Variants in MAP7 observed in about 807,000 individuals in gnomAD.
The protein encoded by MAP7 is microtubule associated protein 7, also known as ensconsin.
Under a neutral mutation model 94.8 loss-of-function variants are expected in MAP7, and 52 were observed. The observed-to-expected ratio is 0.55, with a 90% CI of 0.44 to 0.69. The LOEUF (loss-of-function observed/expected upper bound fraction) is 0.69, where lower values mean the gene tolerates loss of function less well. Among genes scored for constraint, MAP7 ranks in the 30% least tolerant of loss-of-function variants. The pLI is 0.00. For missense variants in MAP7, 940 were observed against 964.6 expected (o/e 0.97, Z 0.34); for synonymous variants, 350 against 357.0 (o/e 0.98, Z 0.22).
intron 15 of MAP7, 93 bp from the exon 16 acceptor site, chr6:136,356,887 G>A: frequency 1.0e-6 from 1 of 968,212 alleles, no homozygotes; most frequent in Non-Finnish European, 1.6e-6. Context: ...TTTATGTGCT[G>A]GTTCTGCTAC....
chr6:136,349,339 TA>T (rs1475807013), intron 16 of MAP7, among the ~76,000 whole-genome samples: 1 of 152,206 alleles, frequency 6.6e-6, no homozygotes, highest in African/African-American at 2.4e-5. Flanking sequence ...TATTCATTTA[TA>T]AAATTTTATA....
At chr6:136,451,645 T>A (rs1489040266) in intron 1 of MAP7, among the ~76,000 whole-genome samples, 3 of 152,212 alleles carry the variant, frequency 2.0e-5, no homozygotes, top group Non-Finnish European at 2.9e-5. Context: ...ATTCCCCTGA[T>A]GGAGCCGAGC....
At chr6:136,522,996 T>C (rs557654535) in intron 1 of MAP7, among the ~76,000 whole-genome samples, 3 of 152,084 alleles carry the variant, frequency 2.0e-5, no homozygotes, top group South Asian at 4.1e-4. Flanking sequence ...GATCATGCCA[T>C]TGGACTCCAG....
rs965467323 is a variant in MAP7, at chr6:136,386,728, A to C, written c.526+1665T>G. 3.3e-5 allele frequency among the ~76,000 whole-genome samples: 5 copies of C among 152,232 alleles called. No homozygotes were observed. In the South Asian group the frequency reaches 1.0e-3, roughly 32 times the overall value. ...CTGCTGGGTCATGAACAACCAAGAA[A>C]ACAGAAGTGCTTTCATATTTGGTTC... On this transcript the variant is annotated intron_variant, in intron 5 of 17. Coordinates refer to ENST00000354570, the MANE Select transcript of MAP7 (RefSeq NM_003980.6).
rs77108073 is a variant in MAP7 at position 136,522,253 on chromosome 6, C to T, written c.67+28089G>A. 6.8e-3 allele frequency among the ~76,000 whole-genome samples: 1,030 copies of T among 152,190 alleles called. 13 individuals carry two copies. Among genetic ancestry groups the T allele is most frequent in the African/African-American group, 0.024 (981 of 41,506 alleles). The stretch of plus-strand genomic sequence containing the variant: ...TAAGAGCATCAGCATAAGCCCAGCT[C>T]GCTCCCAGTGATTATTTAATTACTG... On this transcript the variant is annotated intron_variant, in intron 1 of 17. Transcript: ENST00000354570.
intron 3 of MAP7, among the ~76,000 whole-genome samples, chr6:136,400,520 C>T (rs1783786116): frequency 6.7e-6 from 1 of 150,144 alleles, no homozygotes; most frequent in African/African-American, 2.4e-5. Flanking sequence ...AAAACAAAAA[C>T]ACCTAGCTAT....
chr6:136,468,776 C>T (rs1026565900), intron 1 of MAP7, among the ~76,000 whole-genome samples: 5 of 152,138 alleles, frequency 3.3e-5, no homozygotes, highest in African/African-American at 7.2e-5. Flanking sequence ...ACTCTTAAGT[C>T]GGGACCTGGC....
intron 1 of MAP7, among the ~76,000 whole-genome samples, chr6:136,449,805 C>A (rs989680968): frequency 9.9e-5 from 15 of 152,246 alleles, no homozygotes; most frequent in African/African-American, 3.6e-4. Flanking sequence ...CTTACATGAG[C>A]AACTGGGATA....
At chr6:136,536,412 A>G (rs1828893346) in intron 1 of MAP7, among the ~76,000 whole-genome samples, 1 of 152,280 alleles carries the variant, frequency 6.6e-6, no homozygotes, top group East Asian at 1.9e-4. Context: ...TTTCATATCC[A>G]TGACCTAAAC....
In MAP7 at chr6:136,375,044, C is replaced by A. The variant is rs561774062; in HGVS notation, c.752-2419G>T. On this transcript the variant is annotated intron_variant, in intron 7 of 17. Coordinates refer to ENST00000354570, the MANE Select transcript of MAP7 (RefSeq NM_003980.6). ...CACAATATATGTATTTGATCCTACT[C>A]TTGGTGGTAAGTATGCATTAATTGA... Among the ~76,000 whole-genome samples the A allele has an allele frequency of 4.6e-5, 7 of 152,174 alleles. No individual in the cohort carries two copies. In the South Asian group the frequency reaches 1.5e-3, roughly 32 times the overall value.
At chr6:136,525,233 G>C (rs142178063) in intron 1 of MAP7, among the ~76,000 whole-genome samples, 2 of 152,282 alleles carry the variant, frequency 1.3e-5, no homozygotes, top group Non-Finnish European at 2.9e-5. Context: ...CACGAATTCA[G>C]TTATCATCAA....
chr6:136,528,177 T>C (rs1828161927), intron 1 of MAP7, among the ~76,000 whole-genome samples: 2 of 152,226 alleles, frequency 1.3e-5, no homozygotes, highest in South Asian at 4.1e-4. Flanking sequence ...CTTCTCCCGA[T>C]GACAAATGTT....
intron 1 of MAP7, among the ~76,000 whole-genome samples, chr6:136,543,813 T>C (rs553978763): frequency 2.0e-5 from 3 of 152,222 alleles, no homozygotes; most frequent in East Asian, 1.9e-4. Context: ...GGAATTTAGG[T>C]TGGAGGCAGA....
intron 16 of MAP7, among the ~76,000 whole-genome samples, chr6:136,355,795 A>G (rs1381630479): frequency 1.3e-5 from 2 of 152,244 alleles, no homozygotes; most frequent in African/African-American, 2.4e-5. Flanking sequence ...TTTGAACATT[A>G]TTAAAAATAT....
chr6:136,345,035 A>T (rs1787296953), intron 17 of MAP7, among the ~76,000 whole-genome samples: 1 of 152,262 alleles, frequency 6.6e-6, no homozygotes, highest in Non-Finnish European at 1.5e-5. Context: ...TCTTCAGGGA[A>T]GAGAAGTCAA....
chr6:136,343,088 TA>T lies in MAP7; in HGVS notation c.*1139del, dbSNP rs1311604368. ...TCTACATTTAATCATTAGTAGTCTC[TA>T]AAATGGTAAAATAAAACTGAATTTA... On this transcript the variant is annotated 3_prime_UTR_variant, in exon 18 of 18. Transcript: ENST00000354570. The T allele has an allele frequency of 4.6e-5, 7 of 152,646 alleles. No homozygotes were observed. Among genetic ancestry groups the T allele is most frequent in the African/African-American group, 1.7e-4 (7 of 41,464 alleles). 9.5% of individuals were successfully genotyped at this position (152,646 alleles called of 1,614,324 possible).
chr6:136,510,849 G>A (rs191735257), intron 1 of MAP7, among the ~76,000 whole-genome samples: 7 of 152,046 alleles, frequency 4.6e-5, no homozygotes, highest in Non-Finnish European at 2.9e-5. Context: ...TTCAGGCATC[G>A]ACTGAGGCTC....
rs1361265161 is a variant in MAP7 at position 136,456,693 on chromosome 6, AG to A, written c.68-34895del. Among the ~76,000 whole-genome samples the A allele has an allele frequency of 2.6e-3, 383 of 144,838 alleles. 3 individuals are homozygous for A. Among genetic ancestry groups the A allele is most frequent in the African/African-American group, 9.0e-3 (353 of 39,192 alleles). ...TCTCAAAAAGAAGAAAGAAGAAAGA[AG>A]AAAGAAGAAGAAAGAAGAGGAGAAG... On this transcript the variant is annotated intron_variant, in intron 1 of 17. Coordinates refer to ENST00000354570, the MANE Select transcript of MAP7 (RefSeq NM_003980.6).
At chr6:136,379,969 G>C (rs568824444) in intron 6 of MAP7, among the ~76,000 whole-genome samples, 17 of 152,118 alleles carry the variant, frequency 1.1e-4, no homozygotes, top group Non-Finnish European at 2.5e-4. Context: ...TTTTAGTAAA[G>C]GTTAATAAAG....
Sources: gnomAD v4.1 joint callset for allele counts (sites outside exome capture counted in the v4.1 genomes callset) on GRCh38, gnomAD v4.1.1 for gene constraint, MANE v1.5 for transcripts, NCBI Gene and HGNC (gene_info 2026-07-23, HGNC 2026-07-21) for gene names.